REPS2: variants seen among roughly 807,000 people sequenced by gnomAD.
REPS2 encodes the protein RALBP1 associated Eps domain containing 2, also known as ralBP1-associated Eps domain-containing protein 2.
In REPS2, 23 loss-of-function variants were observed where a neutral mutation model predicts 53.6. The ratio of observed to expected loss-of-function variants is 0.43; its 90% CI spans 0.31 to 0.61. The LOEUF (loss-of-function observed/expected upper bound fraction) is 0.61, where lower values mean the gene tolerates loss of function less well. Ranked by LOEUF, REPS2 falls within the 20% of genes least tolerant of loss-of-function variation. The pLI is 0.11. For synonymous variants in REPS2, 238 were observed against 218.6 expected, an observed-to-expected ratio of 1.09 and a Z score of -0.78; for missense variants, 446 against 534.9, an observed-to-expected ratio of 0.83 and a Z score of 1.64.
At chrX:16,970,753 A>G (rs2060879616) in intron 1 of REPS2, among the ~76,000 whole-genome samples, 1 of 112,608 alleles carries the variant, frequency 8.9e-6, no homozygotes, top group Non-Finnish European at 1.9e-5. Flanking sequence ...GACATTTCAT[A>G]GAAATGAAAC....
chrX:16,976,225 A>G (rs1376532419), intron 1 of REPS2, among the ~76,000 whole-genome samples: 1 of 112,009 alleles, frequency 8.9e-6, no homozygotes, highest in Non-Finnish European at 1.9e-5. Context: ...ATATACTAAC[A>G]GGGAAATTTC....
At chrX:16,989,520 A>AT (rs2147754205) in intron 1 of REPS2, among the ~76,000 whole-genome samples, 1 of 112,039 alleles carries the variant, frequency 8.9e-6, no homozygotes, top group African/African-American at 3.2e-5. Context: ...GTGGGGGGAA[A>AT]TATTTGCAAA....
chrX:16,973,298 T>A (rs779895218), intron 1 of REPS2, among the ~76,000 whole-genome samples: 29 of 112,102 alleles, frequency 2.6e-4, no homozygotes, highest in Non-Finnish European at 4.7e-4. Context: ...TATTACTTTT[T>A]CTCTTTATGG....
At chrX:17,088,509 C>T (rs1034996276) in intron 13 of REPS2, among the ~76,000 whole-genome samples, 1 of 110,080 alleles carries the variant, frequency 9.1e-6, no homozygotes, top group Non-Finnish European at 1.9e-5. Flanking sequence ...TCATCTTGGC[C>T]AACTCTCACA....
At chrX:17,094,861 T>C (rs185720174) in intron 13 of REPS2, among the ~76,000 whole-genome samples, 58 of 111,487 alleles carry the variant, frequency 5.2e-4, no homozygotes, top group South Asian at 1.8e-3. Flanking sequence ...GCTTTTTTTT[T>C]CCCTGTTTTT....
chrX:17,160,187 G>C, the REPS2 span, among the ~76,000 whole-genome samples: 3 of 112,496 alleles, frequency 2.7e-5, no homozygotes, highest in Non-Finnish European at 5.6e-5. Context: ...GTACACATTG[G>C]TTTGTTCTTT....
chrX:17,135,799 C>T (rs761070980), intron 16 of REPS2: 4 of 140,617 alleles, frequency 2.8e-5, no homozygotes, highest in Admixed American at 1.7e-4. Context: ...ATGGCTAGCT[C>T]CTTCACCCAC....
intron 1 of REPS2, among the ~76,000 whole-genome samples, chrX:16,966,081 G>C (rs1276828170): frequency 8.9e-6 from 1 of 112,517 alleles, no homozygotes; most frequent in African/African-American, 3.2e-5. Flanking sequence ...CTTCGGCTCG[G>C]CATCAGAGGG....
intron 13 of REPS2, among the ~76,000 whole-genome samples, chrX:17,092,559 C>T (rs749771204): frequency 9.1e-6 from 1 of 109,810 alleles, no homozygotes; most frequent in African/African-American, 3.3e-5. Context: ...CTGGACAAAG[C>T]CTTGCTGATA....
At chrX:17,138,383 A>G (rs1004974927) in intron 16 of REPS2, 1 of 113,979 alleles carries the variant, frequency 8.8e-6, no homozygotes, top group African/African-American at 3.2e-5. Flanking sequence ...CATGCCTAAT[A>G]ATACATAAGG....
chrX:17,134,995 G>A (rs998177618), intron 15 of REPS2, among the ~76,000 whole-genome samples: 3 of 110,716 alleles, frequency 2.7e-5, no homozygotes, highest in Non-Finnish European at 5.7e-5. Flanking sequence ...GCCCCATGGT[G>A]TGAGATGCAC....
chrX:16,959,751 G>T (rs190771662), intron 1 of REPS2, among the ~76,000 whole-genome samples: 22 of 111,686 alleles, frequency 2.0e-4, no homozygotes, highest in African/African-American at 6.5e-4. Context: ...TCAAAGAAGA[G>T]TTAATACTAA....
chrX:16,969,144 C>T (rs1464407965), intron 1 of REPS2, among the ~76,000 whole-genome samples: 150 of 108,884 alleles, frequency 1.4e-3, no homozygotes, highest in Non-Finnish European at 2.3e-3. Flanking sequence ...CGGGCAGAGA[C>T]GCTCCTCACT....
At chrX:17,114,565 GA>G (rs1470065755) in intron 14 of REPS2, among the ~76,000 whole-genome samples, 1 of 110,821 alleles carries the variant, frequency 9.0e-6, no homozygotes. Context: ...TTGGGGAAAA[GA>G]AAAAAAAGTC....
At chrX:16,982,947 G>A (rs1490635838) in intron 1 of REPS2, among the ~76,000 whole-genome samples, 3 of 112,507 alleles carry the variant, frequency 2.7e-5, no homozygotes, top group African/African-American at 9.7e-5. Context: ...CTCAAGCAAT[G>A]GCAGTTTTGC....
chrX:17,151,670 G>T lies in REPS2; in HGVS notation c.*4189G>T, dbSNP rs1367030649. 1 of 112,156 alleles carries T rather than the reference G, an allele frequency of 8.9e-6. No homozygotes were observed. Among genetic ancestry groups the T allele is most frequent in the Admixed American group, 9.5e-5 (1 of 10,576 alleles). 9.2% of individuals were successfully genotyped at this position (112,156 alleles called of 1,213,427 possible). ...GCTTCCCATATTATTGACAAGTAGG[G>T]ATCATTAGGTTCTGGTTTGAACATT... On this transcript the variant is annotated 3_prime_UTR_variant, in exon 18 of 18. Transcript: ENST00000357277.
At chrX:17,024,237 T>C (rs763149690) in intron 3 of REPS2, among the ~76,000 whole-genome samples, 1 of 110,247 alleles carries the variant, frequency 9.1e-6, no homozygotes, top group East Asian at 2.8e-4. Context: ...CAGTGAGCTA[T>C]GATCACGCCA....
chrX:17,133,834 T>C lies in REPS2; in HGVS notation c.1589T>C (p.Val530Ala). 2 of 1,210,287 alleles carry C rather than the reference T, an allele frequency of 1.7e-6. No homozygotes were observed. Among genetic ancestry groups the C allele is most frequent in the Non-Finnish European group, 2.2e-6 (2 of 894,172 alleles). ...GATCTCTTGCTACAGTCTGAACAAG[T>C]GTCGGAGGCCGAGTTACTCCCACAG... ...PRPCPSQSEQ[V>A]SEAELLPQLS... Residue 530 changes from valine to alanine, a missense_variant, in exon 15 of 18, where the codon GTG (valine) becomes GCG (alanine). Coordinates refer to ENST00000357277, the MANE Select transcript of REPS2 (RefSeq NM_004726.3).
At chrX:17,169,861 G>A in the REPS2 span, among the ~76,000 whole-genome samples, 1 of 111,481 alleles carries the variant, frequency 9.0e-6, no homozygotes, top group Non-Finnish European at 1.9e-5. Context: ...AGTGGCAGGG[G>A]TGTGTGTAAC....
Sources: gnomAD v4.1 joint callset for allele counts (sites outside exome capture counted in the v4.1 genomes callset) on GRCh38, gnomAD v4.1.1 for gene constraint, MANE v1.5 for transcripts, NCBI Gene and HGNC (gene_info 2026-07-23, HGNC 2026-07-21) for gene names.